DOK6: variants seen among roughly 807,000 people sequenced by gnomAD.
DOK6 encodes the protein docking protein 6.
In DOK6, 22 loss-of-function variants were observed where a neutral mutation model predicts 44.0. That is an observed-to-expected ratio of 0.50 (90% CI 0.36 to 0.71). The LOEUF (loss-of-function observed/expected upper bound fraction) is 0.71. DOK6 is among the 30% of genes least tolerant of loss of function. The probability of loss-of-function intolerance (pLI) is 0.00; values close to 1 mark genes in which losing one functional copy is unlikely to be tolerated. For missense variants in DOK6, 340 were observed against 416.4 expected (o/e 0.82, Z 1.60); for synonymous variants, 166 against 145.5 (o/e 1.14, Z -1.01).
chr18:69,545,437 T>A (rs1282375800), intron 1 of DOK6, among the ~76,000 whole-genome samples: 4 of 149,398 alleles, frequency 2.7e-5, no homozygotes, highest in Non-Finnish European at 6.0e-5. Context: ...TTAAGCCATG[T>A]GTGTATTTTC....
At chr18:69,766,802 AT>A (rs1197625609) in intron 7 of DOK6, among the ~76,000 whole-genome samples, 1 of 152,164 alleles carries the variant, frequency 6.6e-6, no homozygotes, top group Non-Finnish European at 1.5e-5. Context: ...AACTCTCACT[AT>A]GACGTTTCTT....
chr18:69,738,966 A>C lies in DOK6; in HGVS notation c.601A>C (p.Met201Leu), dbSNP rs1196006670. ...STWFTFESGR[M>L]CDTGEGLFTF... ...CTTTCCCTATCTCTATTCTCACAGA[A>C]TGTGTGACACAGGAGAAGGACTATT... Residue 201 changes from methionine (M) to leucine (L), a missense_variant and splice_region_variant, in exon 6 of 8, where the codon ATG becomes CTG. Around this residue, in one of 3 missense-constraint regions of DOK6, gnomAD observed 206 missense variants for 258.6 expected, o/e 0.80. Coordinates refer to ENST00000382713, the MANE Select transcript of DOK6 (RefSeq NM_152721.6). 6.2e-7 allele frequency: 1 copy of C among 1,613,906 alleles called. No homozygotes were observed. The highest frequency in any genetic ancestry group is 1.7e-5 in the Admixed American group (1 of 60,016).
At chr18:69,413,973 A>T (rs570874222) in intron 1 of DOK6, among the ~76,000 whole-genome samples, 3 of 152,068 alleles carry the variant, frequency 2.0e-5, no homozygotes, top group African/African-American at 7.2e-5. Flanking sequence ...ATATATACAA[A>T]TAACCACATA....
At chr18:69,785,512 C>T (rs543153703) in intron 7 of DOK6, among the ~76,000 whole-genome samples, 13 of 152,184 alleles carry the variant, frequency 8.5e-5, no homozygotes, top group South Asian at 8.3e-4. Flanking sequence ...TGAAAAATAT[C>T]GAAGAGCATC....
At chr18:69,796,350 G>A (rs528131185) in intron 7 of DOK6, among the ~76,000 whole-genome samples, 1 of 152,232 alleles carries the variant, frequency 6.6e-6, no homozygotes, top group Admixed American at 6.5e-5. Context: ...ATAGCAGAGT[G>A]CCCTCCTTGC....
At chr18:69,818,847 T>C (rs1981480825) in intron 7 of DOK6, among the ~76,000 whole-genome samples, 1 of 152,140 alleles carries the variant, frequency 6.6e-6, no homozygotes, top group East Asian at 1.9e-4. Context: ...GCCACAGTCA[T>C]AGCCCTGGGA....
intron 1 of DOK6, among the ~76,000 whole-genome samples, chr18:69,482,789 A>T (rs1201107188): frequency 6.6e-6 from 1 of 151,994 alleles, no homozygotes; most frequent in South Asian, 2.1e-4. Context: ...AGGATGAAAT[A>T]AAAAAAGTGA....
chr18:69,710,585 T>C, intron 5 of DOK6, among the ~76,000 whole-genome samples: 1 of 152,218 alleles, frequency 6.6e-6, no homozygotes, highest in Non-Finnish European at 1.5e-5. Flanking sequence ...GGAAAACATA[T>C]TATCTTTTGA....
At chr18:69,783,328 GTGAAGATTTAGCA>G (rs1264417016) in intron 7 of DOK6, among the ~76,000 whole-genome samples, 3 of 152,216 alleles carry the variant, frequency 2.0e-5, no homozygotes, top group African/African-American at 7.2e-5. Flanking sequence ...CACACCAGAT[GTGAAGATTTAGCA>G]TGAAATAAAT....
At chr18:69,513,205 A>G (rs538670019) in intron 1 of DOK6, among the ~76,000 whole-genome samples, 1 of 152,362 alleles carries the variant, frequency 6.6e-6, no homozygotes, top group Middle Eastern at 3.4e-3. Context: ...GTTATTAAAA[A>G]TAAGAAAGAA....
At chr18:69,645,925 C>T (rs1985061058) in intron 3 of DOK6, among the ~76,000 whole-genome samples, 1 of 152,126 alleles carries the variant, frequency 6.6e-6, no homozygotes, top group Admixed American at 6.6e-5. Context: ...GAATGTTCCA[C>T]TACTGTCTTA....
In DOK6 at chr18:69,840,556, G is replaced by T. The variant is rs191227674; in HGVS notation, c.857-688G>T. Among the ~76,000 whole-genome samples, 9 of 152,306 alleles carry T rather than the reference G, an allele frequency of 5.9e-5. No individual in the cohort carries two copies. In the East Asian group the frequency reaches 1.3e-3, roughly 23 times the overall value. Reference sequence around the variant, plus strand: ...GCGATAGACTATTTCTCATGCAGGGGTGCAGCTGAACAACCAAAAGCATAG... The same window carrying T: ...GCGATAGACTATTTCTCATGCAGGGTTGCAGCTGAACAACCAAAAGCATAG... On this transcript the variant is annotated intron_variant, in intron 7 of 7. Coordinates refer to ENST00000382713, the MANE Select transcript of DOK6 (RefSeq NM_152721.6).
At chr18:69,464,371 A>C (rs1274876921) in intron 1 of DOK6, among the ~76,000 whole-genome samples, 1 of 152,150 alleles carries the variant, frequency 6.6e-6, no homozygotes, top group Non-Finnish European at 1.5e-5. Context: ...TTCAGTTATT[A>C]GGGTCCACTT....
At chr18:69,448,273 T>C (rs1468235804) in intron 1 of DOK6, among the ~76,000 whole-genome samples, 1 of 152,234 alleles carries the variant, frequency 6.6e-6, no homozygotes, top group East Asian at 1.9e-4. Context: ...GACTTTTTGC[T>C]GGCATTGTAG....
chr18:69,426,721 AATATG>A (rs1221599474), intron 1 of DOK6, among the ~76,000 whole-genome samples: 4 of 152,210 alleles, frequency 2.6e-5, no homozygotes, highest in Non-Finnish European at 4.4e-5. Context: ...CACTTTGTAG[AATATG>A]ATATGTGTCA....
At chr18:69,488,168 G>A (rs1980636092) in intron 1 of DOK6, among the ~76,000 whole-genome samples, 1 of 152,136 alleles carries the variant, frequency 6.6e-6, no homozygotes, top group Non-Finnish European at 1.5e-5. Flanking sequence ...GGAGAGAAAG[G>A]GGGTGGGCTG....
chr18:69,711,127 C>T (rs887959778), intron 5 of DOK6, among the ~76,000 whole-genome samples: 2 of 152,218 alleles, frequency 1.3e-5, no homozygotes, highest in East Asian at 1.9e-4. Context: ...CCTGGAACAC[C>T]GGCTTTATAA....
At chr18:69,703,515 A>C (rs561312149) in intron 5 of DOK6, among the ~76,000 whole-genome samples, 51 of 152,340 alleles carry the variant, frequency 3.3e-4, no homozygotes, top group African/African-American at 1.2e-3. Flanking sequence ...TTAGGAACAT[A>C]GGTTAAGTTG....
chr18:69,664,245 T>C (rs1435656930), intron 3 of DOK6, among the ~76,000 whole-genome samples: 1 of 152,234 alleles, frequency 6.6e-6, no homozygotes, highest in African/African-American at 2.4e-5. Flanking sequence ...GAAATCATTT[T>C]TCAGACCTGT....
Sources: allele counts gnomAD v4.1 joint callset (sites outside exome capture counted in the v4.1 genomes callset), GRCh38; gene constraint gnomAD v4.1.1; regional missense constraint gnomAD v4.1.1; transcripts MANE v1.5; gene names NCBI Gene and HGNC (gene_info 2026-07-23, HGNC 2026-07-21).